The following KAT2B variants were observed in gnomAD, a reference collection of about 807,000 sequenced individuals.
The protein encoded by KAT2B is histone acetyltransferase KAT2B.
A neutral mutation model predicts 105.9 loss-of-function variants in KAT2B; 36 were observed. The observed-to-expected ratio is 0.34, with a 90% CI of 0.26 to 0.45. The LOEUF (loss-of-function observed/expected upper bound fraction) is 0.45. Among genes scored for constraint, KAT2B ranks in the 20% least tolerant of loss-of-function variants. The pLI is 1.00. For missense variants in KAT2B, 820 were observed against 1,021.6 expected (o/e 0.80, Z 2.69); for synonymous variants, 397 against 377.9 (o/e 1.05, Z -0.59).
intron 1 of KAT2B, among the ~76,000 whole-genome samples, chr3:20,041,593 C>T (rs187084255): frequency 5.5e-4 from 83 of 152,256 alleles, no homozygotes; most frequent in African/African-American, 1.9e-3. Flanking sequence ...GCTGTGTTCC[C>T]GAGGTGGGAG....
chr3:20,077,215 G>A (rs1986916), intron 2 of KAT2B, among the ~76,000 whole-genome samples: 100 of 152,290 alleles, frequency 6.6e-4, no homozygotes, highest in Non-Finnish European at 1.1e-3. Context: ...GGTGGTTTGT[G>A]CCTGTAATGG....
chr3:20,082,633 T>A (rs1293742941), intron 2 of KAT2B, among the ~76,000 whole-genome samples: 1 of 152,204 alleles, frequency 6.6e-6, no homozygotes, highest in Non-Finnish European at 1.5e-5. Flanking sequence ...ACAAACTCTT[T>A]AAAGAGCTAG....
chr3:20,086,885 C>T (rs1335751846), intron 2 of KAT2B, among the ~76,000 whole-genome samples: 1 of 151,502 alleles, frequency 6.6e-6, no homozygotes, highest in Admixed American at 6.6e-5. Context: ...GGATTCAAGT[C>T]ATTCTCCTGC....
chr3:20,095,039 C>T (rs1211963398), intron 2 of KAT2B, among the ~76,000 whole-genome samples: 3 of 152,102 alleles, frequency 2.0e-5, no homozygotes, highest in Admixed American at 6.5e-5. Flanking sequence ...CCATTTTTAA[C>T]GTTGGGTGGG....
Position 20,111,740 on chromosome 3 carries a change from T to A in KAT2B, c.996T>A (p.Asp332Glu). The stretch of plus-strand genomic sequence containing the variant: ...TGGAACAAGCAAGACAGGAAAAAGA[T>A]AAACTGCCTCTTGAAAAACGAACTC... The part of the protein sequence containing the change: ...QLLEQARQEK[D>E]KLPLEKRTLI... Residue 332 changes from aspartate (D) to glutamate (E), a missense_variant, in exon 6 of 18, where the codon GAT becomes GAA. This residue lies in a region of KAT2B where 173 missense variants were observed against 249.5 expected (regional missense o/e 0.69). Coordinates refer to ENST00000263754, the MANE Select transcript of KAT2B (RefSeq NM_003884.5). The A allele has an allele frequency of 1.2e-6, 2 of 1,614,030 alleles. No individual in the cohort carries two copies. Among genetic ancestry groups the A allele is most frequent in the Non-Finnish European group, 1.7e-6 (2 of 1,179,958 alleles).
At chr3:20,152,276 G>A (rs1699881166) in intron 17 of KAT2B, 56 bp from the exon 18 acceptor site, 9 of 1,253,518 alleles carry the variant, frequency 7.2e-6, no homozygotes, top group Middle Eastern at 1.9e-4. Context: ...TCCCAGTTTT[G>A]TCAGCTGGTG....
intron 1 of KAT2B, among the ~76,000 whole-genome samples, chr3:20,065,986 A>C (rs1033943125): frequency 6.6e-6 from 1 of 152,180 alleles, no homozygotes; most frequent in Admixed American, 6.5e-5. Context: ...ACCACAAAAT[A>C]TGTGGCTTAA....
chr3:20,148,535 C>T (rs750453204), intron 17 of KAT2B, 48 bp downstream of exon 17: 40 of 1,319,370 alleles, frequency 3.0e-5, no homozygotes, highest in African/African-American at 1.0e-4. Context: ...CTCTGGATGG[C>T]GGTGTGGGGG....
chr3:20,069,280 G>A (rs904118364), intron 1 of KAT2B, among the ~76,000 whole-genome samples: 1 of 152,088 alleles, frequency 6.6e-6, no homozygotes, highest in African/African-American at 2.4e-5. Flanking sequence ...GAGCTGCTAG[G>A]GACAGCAGAT....
At chr3:20,110,696 GAAAA>G (rs1315290160) in intron 5 of KAT2B, among the ~76,000 whole-genome samples, 2 of 136,184 alleles carry the variant, frequency 1.5e-5, no homozygotes, top group African/African-American at 2.9e-5. Context: ...AAAAAAGAAA[GAAAA>G]AGAAAGAAAA....
intron 12 of KAT2B, 43 bp from the exon 13 acceptor site, chr3:20,140,178 T>G (rs767623469): frequency 1.6e-6 from 2 of 1,261,722 alleles, no homozygotes; most frequent in Middle Eastern, 2.3e-4. Flanking sequence ...CAGTAGATAT[T>G]TGGTGTATGG....
intron 12 of KAT2B, among the ~76,000 whole-genome samples, chr3:20,139,681 G>C (rs976754135): frequency 6.6e-6 from 1 of 152,028 alleles, no homozygotes; most frequent in African/African-American, 2.4e-5. Flanking sequence ...GTGTGTAAAT[G>C]AGTATATTCC....
rs1699889130 is a variant in KAT2B, at chr3:20,152,628, T to C, written c.*103T>C. The C allele has an allele frequency of 1.2e-6, 1 of 841,092 alleles. No individual in the cohort carries two copies. Among genetic ancestry groups the C allele is most frequent in the Non-Finnish European group, 1.8e-6 (1 of 553,622 alleles). The allele number at this position is 841,092 out of a possible 1,614,324, so 52.1% of individuals were successfully genotyped here. A position where few individuals can be genotyped will look rare whatever the true frequency, so the allele number is the denominator to read the frequency against. ...TTGGACATGATGTATTGAAGAGACT[T>C]GTAAATGTAATAATTAGCACTTTTG... On this transcript the variant is annotated 3_prime_UTR_variant, in exon 18 of 18. Transcript: ENST00000263754.
At position 20,122,787 on chromosome 3, in the gene KAT2B, G is replaced by T. The variant is rs1699334088; in HGVS notation, c.1396G>T (p.Ala466Ser). Residue 466 changes from alanine to serine, a missense_variant, in exon 9 of 18, where the codon GCA becomes TCA. This residue lies in a region of KAT2B where 225 missense variants were observed against 268.1 expected (regional missense o/e 0.84). Transcript: ENST00000263754. ...TATGTCTACCATCACGGACCCTGCA[G>T]CAATGCTTGGACCAGAGGTCAGCAG... is the stretch of plus-strand genomic sequence containing the variant. ...EVMSTITDPA[A>S]MLGPETNFLS... 1 of 1,613,206 alleles carries T rather than the reference G, an allele frequency of 6.2e-7. No individual in the cohort carries two copies. Among genetic ancestry groups the T allele is most frequent in the Admixed American group, 1.7e-5 (1 of 59,952 alleles).
intron 2 of KAT2B, among the ~76,000 whole-genome samples, chr3:20,077,687 AT>A (rs1374480120): frequency 1.3e-5 from 2 of 152,194 alleles, no homozygotes; most frequent in Non-Finnish European, 2.9e-5. Flanking sequence ...TAAAAATCAC[AT>A]TGTATTTCTA....
At chr3:20,135,140 A>G (rs1053666987) in intron 11 of KAT2B, among the ~76,000 whole-genome samples, 13 of 152,122 alleles carry the variant, frequency 8.5e-5, no homozygotes, top group Non-Finnish European at 1.8e-4. Context: ...TTGTGTTTTT[A>G]TCCAAGTTTT....
intron 2 of KAT2B, among the ~76,000 whole-genome samples, chr3:20,086,028 TG>T (rs947508316): frequency 2.6e-5 from 4 of 151,902 alleles, no homozygotes; most frequent in African/African-American, 9.7e-5. Flanking sequence ...CCCAGCACTT[TG>T]GGAGGCCACA....
At chr3:20,081,202 G>A (rs959701745) in intron 2 of KAT2B, among the ~76,000 whole-genome samples, 2 of 152,116 alleles carry the variant, frequency 1.3e-5, no homozygotes, top group Admixed American at 6.5e-5. Flanking sequence ...TTTGCTTCTG[G>A]TCCAGAGGAG....
At chr3:20,121,296 T>C (rs1452598651) in intron 8 of KAT2B, among the ~76,000 whole-genome samples, 3 of 152,212 alleles carry the variant, frequency 2.0e-5, no homozygotes, top group Non-Finnish European at 4.4e-5. Context: ...ATGTGGAGAA[T>C]GTTATATTGA....
Sources: allele counts gnomAD v4.1 joint callset (sites outside exome capture counted in the v4.1 genomes callset), GRCh38; gene constraint gnomAD v4.1.1; regional missense constraint gnomAD v4.1.1; transcripts MANE v1.5; gene names NCBI Gene and HGNC (gene_info 2026-07-23, HGNC 2026-07-21).